MYO1E: variants seen among roughly 807,000 people sequenced by gnomAD.
MYO1E encodes unconventional myosin-Ie.
A neutral mutation model predicts 151.1 loss-of-function variants in MYO1E; 68 were observed. The ratio of observed to expected loss-of-function variants is 0.45; its 90% CI spans 0.37 to 0.55. The LOEUF (loss-of-function observed/expected upper bound fraction) is 0.55, where lower values mean the gene tolerates loss of function less well. MYO1E is among the 20% of genes least tolerant of loss of function. MYO1E has a pLI of 0.00. For missense variants in MYO1E, 1,363 were observed against 1,389.3 expected (o/e 0.98, Z 0.30); for synonymous variants, 601 against 501.7 (o/e 1.20, Z -2.64).
intron 9 of MYO1E, among the ~76,000 whole-genome samples, chr15:59,222,210 A>G (rs2079960430): frequency 6.6e-6 from 1 of 152,242 alleles, no homozygotes; most frequent in East Asian, 1.9e-4. Flanking sequence ...TCCCCACTGC[A>G]TTGTCAGCAA....
intron 4 of MYO1E, among the ~76,000 whole-genome samples, chr15:59,240,349 T>C (rs1368882412): frequency 6.6e-6 from 1 of 152,144 alleles, no homozygotes; most frequent in Non-Finnish European, 1.5e-5. Flanking sequence ...AAATATTAAT[T>C]CAAATAGGAA....
intron 1 of MYO1E, among the ~76,000 whole-genome samples, chr15:59,294,512 G>A (rs2080437848): frequency 6.6e-6 from 1 of 152,148 alleles, no homozygotes; most frequent in African/African-American, 2.4e-5. Flanking sequence ...GCTGTGCTTG[G>A]TCACGTCATG....
At chr15:59,200,270 C>T (rs1488511596) in intron 16 of MYO1E, among the ~76,000 whole-genome samples, 7 of 152,112 alleles carry the variant, frequency 4.6e-5, no homozygotes, top group Non-Finnish European at 8.8e-5. Flanking sequence ...TCTTATGACT[C>T]GATTTTCCAG....
At chr15:59,362,460 A>G (rs1424513925) in intron 1 of MYO1E, among the ~76,000 whole-genome samples, 3 of 152,162 alleles carry the variant, frequency 2.0e-5, no homozygotes, top group Non-Finnish European at 4.4e-5. Context: ...GTAGCTTCCA[A>G]CATATTCTCA....
chr15:59,275,890 G>A (rs1199409941), intron 1 of MYO1E, among the ~76,000 whole-genome samples: 4 of 152,122 alleles, frequency 2.6e-5, no homozygotes. Flanking sequence ...GCTGGGTAGG[G>A]GACAACAGAA....
In MYO1E at chr15:59,362,976, CTT is replaced by C. The variant is rs34810328; in HGVS notation, c.3+9520_3+9521del. ...TTAGAGAGCCTTCTAGTATGACTTT[CTT>C]TTTTTTTTTTTTTTTGAGACGGAGT... On this transcript the variant is annotated intron_variant, in intron 1 of 27. Transcript: ENST00000288235. 9.8e-4 allele frequency among the ~76,000 whole-genome samples: 125 copies of C among 127,578 alleles called. 1 individual carries two copies. The highest frequency in any genetic ancestry group is 3.2e-3 in the African/African-American group (110 of 33,876). 83.7% of individuals were successfully genotyped at this position (127,578 alleles called of 152,430 possible).
intron 1 of MYO1E, among the ~76,000 whole-genome samples, chr15:59,352,084 C>T (rs903748272): frequency 6.6e-6 from 1 of 152,090 alleles, no homozygotes; most frequent in Admixed American, 6.5e-5. Flanking sequence ...AGAGGCACCC[C>T]GGGTTGATAG....
chr15:59,268,395 C>T (rs895306093), intron 2 of MYO1E, among the ~76,000 whole-genome samples: 5 of 152,106 alleles, frequency 3.3e-5, no homozygotes, highest in Non-Finnish European at 7.3e-5. Context: ...GTAGAACACA[C>T]GATTAGTCAG....
intron 1 of MYO1E, among the ~76,000 whole-genome samples, chr15:59,363,486 T>G (rs1198400110): frequency 6.6e-6 from 1 of 152,210 alleles, no homozygotes; most frequent in Non-Finnish European, 1.5e-5. Flanking sequence ...CTCAGGAGTA[T>G]GTGAAATAAT....
intron 4 of MYO1E, among the ~76,000 whole-genome samples, chr15:59,246,989 C>T (rs577218379): frequency 6.6e-6 from 1 of 152,266 alleles, no homozygotes; most frequent in East Asian, 1.9e-4. Flanking sequence ...TTTTAAAAAG[C>T]ACCTGAGTCC....
intron 1 of MYO1E, among the ~76,000 whole-genome samples, chr15:59,345,888 C>T (rs181111978): frequency 2.8e-4 from 43 of 152,306 alleles, no homozygotes; most frequent in African/African-American, 9.6e-4. Flanking sequence ...GCTGTGACAA[C>T]AATTCTGGGG....
chr15:59,250,354 C>G (rs1265669289), intron 4 of MYO1E, among the ~76,000 whole-genome samples: 1 of 152,098 alleles, frequency 6.6e-6, no homozygotes, highest in Non-Finnish European at 1.5e-5. Context: ...GGTGCGTGAT[C>G]GAGGCCAAAC....
intron 1 of MYO1E, among the ~76,000 whole-genome samples, chr15:59,327,271 T>C (rs1477072035): frequency 6.6e-6 from 1 of 152,096 alleles, no homozygotes; most frequent in Admixed American, 6.5e-5. Context: ...CTAGCCTTGA[T>C]GCCTGCTTAC....
chr15:59,202,292 T>A, intron 16 of MYO1E, 34 bp downstream of exon 16: 15 of 1,587,618 alleles, frequency 9.4e-6, no homozygotes, highest in Non-Finnish European at 1.2e-5. Context: ...CTAGCCCTTA[T>A]AAGAATCTAT....
intron 1 of MYO1E, among the ~76,000 whole-genome samples, chr15:59,286,463 C>T (rs2080388293): frequency 6.6e-6 from 1 of 152,132 alleles, no homozygotes. Context: ...GGAAACTCCA[C>T]AAGAGTATAA....
intron 3 of MYO1E, among the ~76,000 whole-genome samples, chr15:59,258,714 A>T (rs947950729): frequency 5.9e-5 from 9 of 152,106 alleles, no homozygotes; most frequent in Non-Finnish European, 1.0e-4. Flanking sequence ...TTAGCTGGAC[A>T]TGGTGGTGTG....
At chr15:59,153,822 C>G in intron 25 of MYO1E, 31 bp from the exon 26 acceptor site, 1 of 1,597,402 alleles carries the variant, frequency 6.3e-7, no homozygotes, top group East Asian at 2.2e-5. Flanking sequence ...GGAAATAAGG[C>G]TCAGATTTTT....
At chr15:59,322,763 TG>T (rs1467161306) in intron 1 of MYO1E, among the ~76,000 whole-genome samples, 1 of 152,224 alleles carries the variant, frequency 6.6e-6, no homozygotes, top group African/African-American at 2.4e-5. Flanking sequence ...TGAGTTTGTT[TG>T]TTTTTTTTCC....
At chr15:59,152,713 G>T (rs1267977104) in intron 26 of MYO1E, among the ~76,000 whole-genome samples, 1 of 152,148 alleles carries the variant, frequency 6.6e-6, no homozygotes, top group Non-Finnish European at 1.5e-5. Flanking sequence ...CTTAGACAAG[G>T]AAACTGAAGC....
Sources: allele counts gnomAD v4.1 joint callset (sites outside exome capture counted in the v4.1 genomes callset), GRCh38; gene constraint gnomAD v4.1.1; transcripts MANE v1.5; gene names NCBI Gene and HGNC (gene_info 2026-07-23, HGNC 2026-07-21).